The following OTULIN variants were observed in gnomAD, a reference collection of about 807,000 sequenced individuals.
OTULIN encodes the protein ubiquitin thioesterase otulin.
In OTULIN, 15 loss-of-function variants were observed where a neutral mutation model predicts 39.6. That is an observed-to-expected ratio of 0.38 (90% CI 0.25 to 0.58). OTULIN has a LOEUF of 0.58. Among genes scored for constraint, OTULIN ranks in the 20% least tolerant of loss-of-function variants. OTULIN has a pLI of 0.66. For missense variants in OTULIN, 319 were observed against 445.9 expected (o/e 0.72, Z 2.56); for synonymous variants, 156 against 170.3 (o/e 0.92, Z 0.65).
At chr5:14,711,340 G>T in the OTULIN span, 9 of 1,586,170 alleles carry the variant, frequency 5.7e-6, no homozygotes, top group Non-Finnish European at 7.8e-6. Context: ...TCAGTGTGGG[G>T]CTGTGGATGG....
At chr5:14,715,046 TC>T in the OTULIN span, among the ~76,000 whole-genome samples, 1 of 152,226 alleles carries the variant, frequency 6.6e-6, no homozygotes. Flanking sequence ...TCCATTTCTG[TC>T]ACAGCCCAGA....
At chr5:14,699,980 G>GC (rs1736765405), downstream of OTULIN, among the ~76,000 whole-genome samples, 1 of 152,212 alleles carries the variant, frequency 6.6e-6, no homozygotes, top group South Asian at 2.1e-4. Flanking sequence ...CCATTGGAGA[G>GC]CACGAGTATG....
chr5:14,669,322 G>A lies in OTULIN; in HGVS notation c.153-4320G>A, dbSNP rs1342009121. 2.0e-5 allele frequency among the ~76,000 whole-genome samples: 3 copies of A among 152,100 alleles called. No homozygotes were observed. The East Asian group carries it at 5.8e-4, about 29-fold the overall frequency. On this transcript the variant is annotated intron_variant, in intron 1 of 6. Coordinates refer to ENST00000284274, the MANE Select transcript of OTULIN (RefSeq NM_138348.6). ...AGAGGTTGCAGTGAGCCGAGACTGC[G>A]CCGTTGCACTCCAGCCTATGCAATA...
intron 6 of OTULIN, among the ~76,000 whole-genome samples, chr5:14,691,380 G>A (rs1344090122): frequency 6.6e-6 from 1 of 152,176 alleles, no homozygotes; most frequent in South Asian, 2.1e-4. Context: ...TGCCAAGTGC[G>A]TAGGAAGGAG....
At chr5:14,674,656 G>C (rs1385354600) in intron 2 of OTULIN, among the ~76,000 whole-genome samples, 2 of 152,182 alleles carry the variant, frequency 1.3e-5, no homozygotes, top group Non-Finnish European at 2.9e-5. Flanking sequence ...TCAGGAGGCG[G>C]AGGTGGGAGG....
At chr5:14,685,252 G>A (rs753048697) in intron 4 of OTULIN, among the ~76,000 whole-genome samples, 2 of 152,130 alleles carry the variant, frequency 1.3e-5, no homozygotes, top group Non-Finnish European at 2.9e-5. Context: ...TTCTGTTGTG[G>A]TATCAAGAAT....
intron 2 of OTULIN, among the ~76,000 whole-genome samples, chr5:14,677,838 T>C (rs1157588413): frequency 3.3e-5 from 5 of 152,246 alleles, no homozygotes; most frequent in Admixed American, 3.3e-4. Flanking sequence ...TATTTCTTTG[T>C]ATAATGGTTA....
chr5:14,704,329 C>CAAAA (rs1194771023), downstream of OTULIN, among the ~76,000 whole-genome samples: 9 of 65,494 alleles, frequency 1.4e-4, no homozygotes, highest in Admixed American at 2.6e-4. Flanking sequence ...GACTCCGTCT[C>CAAAA]AAAAAAAAAA....
rs1736174947 is a variant in OTULIN at position 14,678,906 on chromosome 5, T to C, written c.324+131T>C. 10 of 531,464 alleles carry C rather than the reference T, an allele frequency of 1.9e-5. No homozygotes were observed. The South Asian group carries it at 2.3e-4, about 12-fold the overall frequency. 32.9% of individuals were successfully genotyped at this position (531,464 alleles called of 1,614,324 possible). A position where few individuals can be genotyped will look rare whatever the true frequency, so the allele number is the denominator to read the frequency against. Reference sequence around the variant, plus strand: ...GACGTTGTTATTGGTGTTCTAATTTTAGAGTTAAGGAAATAGACTCCAAAG... The same window carrying C: ...GACGTTGTTATTGGTGTTCTAATTTCAGAGTTAAGGAAATAGACTCCAAAG... On this transcript the variant is annotated intron_variant, in intron 3 of 6. Coordinates refer to ENST00000284274, the MANE Select transcript of OTULIN (RefSeq NM_138348.6).
At chr5:14,665,340 TCGACCCTGCTGCAGCCGCCGGAGAA>T (rs965176981) in intron 1 of OTULIN, among the ~76,000 whole-genome samples, 21 of 152,076 alleles carry the variant, frequency 1.4e-4, no homozygotes, top group Admixed American at 3.9e-4. Context: ...GGAAGTGAGG[TCGACCCTGCTGCAGCCGCCGGAGAA>T]CGGCGCTGCG....
chr5:14,681,749 G>A, intron 4 of OTULIN, 142 bp downstream of exon 4: 1 of 983,176 alleles, frequency 1.0e-6, no homozygotes, highest in East Asian at 2.9e-5. Flanking sequence ...GTGTGGCTGG[G>A]GTGATTTCAC....
chr5:14,670,567 C>T (rs1735954647), intron 1 of OTULIN, among the ~76,000 whole-genome samples: 1 of 152,140 alleles, frequency 6.6e-6, no homozygotes, highest in South Asian at 2.1e-4. Context: ...ATTGCTCAAA[C>T]CTAAAACTTA....
the OTULIN span, among the ~76,000 whole-genome samples, chr5:14,716,340 A>C: frequency 2.0e-5 from 3 of 152,142 alleles, no homozygotes; most frequent in Non-Finnish European, 4.4e-5. Context: ...TAAAAATACA[A>C]AAATTAGTTG....
intron 4 of OTULIN, among the ~76,000 whole-genome samples, chr5:14,684,230 T>C (rs1473425678): frequency 6.6e-6 from 1 of 152,230 alleles, no homozygotes; most frequent in Non-Finnish European, 1.5e-5. Flanking sequence ...TATTTATGTT[T>C]ATTAAACGTT....
At chr5:14,687,710 A>T in intron 5 of OTULIN, 64 bp downstream of exon 5, 1 of 1,500,416 alleles carries the variant, frequency 6.7e-7, no homozygotes, top group Non-Finnish European at 8.9e-7. Context: ...GCCCCAGAAG[A>T]CCAGTTTTTA....
chr5:14,710,341 C>T, the OTULIN span: 1 of 152,160 alleles, frequency 6.6e-6, no homozygotes, highest in African/African-American at 2.4e-5. Flanking sequence ...TCAGGAAAGG[C>T]GAGGGAAAAG....
At chr5:14,665,197 C>G (rs1343418591) in intron 1 of OTULIN, among the ~76,000 whole-genome samples, 1 of 152,310 alleles carries the variant, frequency 6.6e-6, no homozygotes, top group East Asian at 1.9e-4. Context: ...ACAGTGACTC[C>G]CCTCTCGTCT....
At position 14,696,367 on chromosome 5, in the gene OTULIN, T is replaced by G; in HGVS notation, c.*3319T>G. The G allele has an allele frequency of 6.6e-6, 1 of 152,216 alleles. No homozygotes were observed. Among genetic ancestry groups the G allele is most frequent in the South Asian group, 2.1e-4 (1 of 4,836 alleles). The allele number at this position is 152,216 out of a possible 1,614,324, so 9.4% of individuals were successfully genotyped here. A position where few individuals can be genotyped will look rare whatever the true frequency, so the allele number is the denominator to read the frequency against. On this transcript the variant is annotated 3_prime_UTR_variant, in exon 7 of 7. Coordinates refer to ENST00000284274, the MANE Select transcript of OTULIN (RefSeq NM_138348.6). ...GCAGTACTTTGCAGGTACTCCCCTT[T>G]GAAAGCCAGAAGCATAAACCATTGG...
rs1452201573 is a variant in OTULIN at position 14,698,166 on chromosome 5, A to G, written c.*5118A>G. Reference sequence around the variant, plus strand: ...ATTTTAGCCACTTCTAACTTTTTGTATTATGAATTTGGAGAGGATAACAAG... The same window carrying G: ...ATTTTAGCCACTTCTAACTTTTTGTGTTATGAATTTGGAGAGGATAACAAG... On this transcript the variant is annotated 3_prime_UTR_variant, in exon 7 of 7. Transcript: ENST00000284274. The G allele has an allele frequency of 6.6e-6, 1 of 152,158 alleles. No individual in the cohort carries two copies. The highest frequency in any genetic ancestry group is 6.5e-5 in the Admixed American group (1 of 15,276). The allele number at this position is 152,158 out of a possible 1,614,324, so 9.4% of individuals were successfully genotyped here. A position where few individuals can be genotyped will look rare whatever the true frequency, so the allele number is the denominator to read the frequency against.
Sources: allele counts gnomAD v4.1 joint callset (sites outside exome capture counted in the v4.1 genomes callset), GRCh38; gene constraint gnomAD v4.1.1; transcripts MANE v1.5; gene names NCBI Gene and HGNC (gene_info 2026-07-23, HGNC 2026-07-21).